The following PLA2G4A variants were observed in gnomAD, a reference collection of about 807,000 sequenced individuals.
PLA2G4A encodes cytosolic phospholipase A2.
Under a neutral mutation model 81.9 loss-of-function variants are expected in PLA2G4A, and 40 were observed. The observed-to-expected ratio is 0.49, with a 90% CI of 0.38 to 0.64. PLA2G4A has a LOEUF of 0.64. Among genes scored for constraint, PLA2G4A ranks in the 30% least tolerant of loss-of-function variants. The pLI, the probability that PLA2G4A is intolerant of heterozygous loss-of-function variation, is 0.00. For missense variants in PLA2G4A, 715 were observed against 905.1 expected, an observed-to-expected ratio of 0.79 and a Z score of 2.69; for synonymous variants, 302 against 296.9, an observed-to-expected ratio of 1.02 and a Z score of -0.18.
chr1:186,956,105 C>T lies in PLA2G4A; in HGVS notation c.1340C>T (p.Thr447Ile). 1 of 1,612,894 alleles carries T rather than the reference C, an allele frequency of 6.2e-7. No homozygotes were observed. Among genetic ancestry groups the T allele is most frequent in the Non-Finnish European group, 8.5e-7 (1 of 1,179,026 alleles). ...SDDESHEPKGTENEDAGSDYQ... is the reference protein window; with the variant it reads ...SDDESHEPKGIENEDAGSDYQ... ...GTGACCTTTTATTTTTCCCTAGGCA[C>T]TGAAAATGAAGATGCTGGAAGTGAC... Residue 447 changes from threonine (T) to isoleucine (I), a missense_variant, in exon 14 of 18, where the codon ACT (threonine) becomes ATT (isoleucine). By Grantham distance (89) the Thr-to-Ile change is moderately conservative. Coordinates refer to ENST00000367466, the MANE Select transcript of PLA2G4A (RefSeq NM_024420.3).
chr1:186,980,976 G>A (rs1399452659), intron 17 of PLA2G4A, among the ~76,000 whole-genome samples: 1 of 152,060 alleles, frequency 6.6e-6, no homozygotes, highest in Non-Finnish European at 1.5e-5. Context: ...AAATCCACGT[G>A]ATACATTATC....
intron 3 of PLA2G4A, among the ~76,000 whole-genome samples, chr1:186,882,493 T>C (rs1653773441): frequency 1.3e-5 from 2 of 152,128 alleles, no homozygotes; most frequent in African/African-American, 4.8e-5. Context: ...GCCATCAATA[T>C]GCCTGTGTGG....
chr1:186,872,540 C>T (rs1276795272), intron 3 of PLA2G4A, among the ~76,000 whole-genome samples: 2 of 151,698 alleles, frequency 1.3e-5, no homozygotes, highest in Admixed American at 6.6e-5. Context: ...ATCAATGAAG[C>T]GTTCTGTTGT....
intron 7 of PLA2G4A, among the ~76,000 whole-genome samples, chr1:186,918,493 T>C (rs1042763979): frequency 1.3e-5 from 2 of 152,202 alleles, no homozygotes; most frequent in Admixed American, 1.3e-4. Flanking sequence ...CTCAGCCTTC[T>C]GGGCTGAAGT....
At chr1:186,960,658 A>G (rs913477422) in intron 14 of PLA2G4A, among the ~76,000 whole-genome samples, 2 of 152,186 alleles carry the variant, frequency 1.3e-5, no homozygotes, top group Non-Finnish European at 2.9e-5. Flanking sequence ...TAGTACTTTA[A>G]AAGGAGACTA....
intron 15 of PLA2G4A, among the ~76,000 whole-genome samples, chr1:186,973,268 G>A (rs1431546817): frequency 6.6e-6 from 1 of 152,140 alleles, no homozygotes; most frequent in Non-Finnish European, 1.5e-5. Flanking sequence ...AGCTTTTGGT[G>A]GTTCCAGGCA....
Position 186,949,297 on chromosome 1 carries a change from AAAAG to A in PLA2G4A, c.1265-1350_1265-1347del, listed in dbSNP as rs375967004. Reference sequence around the variant, plus strand: ...AAGAAAGAAAGAAGAAAAAGAAGGAAAAAGAAAGAAAGAGAAAGAAGGAAGGAAG... The same window carrying A: ...AAGAAAGAAAGAAGAAAAAGAAGGAAAAAGAAAGAGAAAGAAGGAAGGAAG... On this transcript the variant is annotated intron_variant, in intron 12 of 17. Coordinates refer to ENST00000367466, the MANE Select transcript of PLA2G4A (RefSeq NM_024420.3). Among the ~76,000 whole-genome samples the A allele has an allele frequency of 7.5e-4, 114 of 151,144 alleles. 1 individual carries two copies. The highest frequency in any genetic ancestry group is 1.2e-3 in the Non-Finnish European group (82 of 67,738).
At chr1:186,938,362 C>T (rs956942105) in intron 8 of PLA2G4A, among the ~76,000 whole-genome samples, 2 of 151,978 alleles carry the variant, frequency 1.3e-5, no homozygotes, top group Non-Finnish European at 2.9e-5. Context: ...CAGAAGTGGC[C>T]AAATGGCTGG....
chr1:186,841,665 G>A (rs1651985386), intron 1 of PLA2G4A, among the ~76,000 whole-genome samples: 1 of 152,032 alleles, frequency 6.6e-6, no homozygotes, highest in African/African-American at 2.4e-5. Flanking sequence ...GGCCAGAATG[G>A]CCACTTGTTT....
intron 7 of PLA2G4A, among the ~76,000 whole-genome samples, chr1:186,929,135 C>T (rs909283783): frequency 2.6e-5 from 4 of 152,150 alleles, no homozygotes; most frequent in Admixed American, 6.5e-5. Flanking sequence ...GGTTTCTCTC[C>T]GTAAAGGTTA....
At chr1:186,958,364 CTTG>C (rs1373211991) in intron 14 of PLA2G4A, among the ~76,000 whole-genome samples, 1 of 152,044 alleles carries the variant, frequency 6.6e-6, no homozygotes, top group Non-Finnish European at 1.5e-5. Context: ...CATTATTTTT[CTTG>C]TTTAGTCACA....
chr1:186,870,503 C>T lies in PLA2G4A; in HGVS notation c.102C>T (p.Ala34=). Residue 34 remains alanine (A), a synonymous_variant, in exon 3 of 18, where the codon GCC becomes GCT. Transcript: ENST00000367466. ...VLRATKVTKG[A]FGDMLDTPDP... ...GTGCCACCAAAGTGACAAAGGGGGCCTTTGGTGACATGCGTAAGTGCCCTT... is the reference window on the plus strand; with the variant it reads ...GTGCCACCAAAGTGACAAAGGGGGCTTTTGGTGACATGCGTAAGTGCCCTT... 1 of 1,609,564 alleles carries T rather than the reference C, an allele frequency of 6.2e-7. No homozygotes were observed. Among genetic ancestry groups the T allele is most frequent in the Non-Finnish European group, 8.5e-7 (1 of 1,175,986 alleles).
chr1:186,887,744 T>C (rs1180404314), intron 3 of PLA2G4A, among the ~76,000 whole-genome samples: 1 of 152,182 alleles, frequency 6.6e-6, no homozygotes, highest in African/African-American at 2.4e-5. Flanking sequence ...TTTTCTTTAA[T>C]TCATTCCTTG....
At chr1:186,960,106 T>C (rs1456253842) in intron 14 of PLA2G4A, among the ~76,000 whole-genome samples, 3 of 152,102 alleles carry the variant, frequency 2.0e-5, no homozygotes, top group Non-Finnish European at 2.9e-5. Flanking sequence ...GAAATTATAA[T>C]AGGATAAAAT....
intron 3 of PLA2G4A, among the ~76,000 whole-genome samples, chr1:186,887,839 GC>G (rs1384458544): frequency 6.6e-6 from 1 of 152,132 alleles, no homozygotes; most frequent in East Asian, 1.9e-4. Context: ...TTGCTACCAT[GC>G]CAGTGATGGT....
chr1:186,979,382 AC>A lies in PLA2G4A; in HGVS notation c.2030del (p.Pro677HisfsTer26). The A allele has an allele frequency of 6.2e-7, 1 of 1,604,858 alleles. No homozygotes were observed. Among genetic ancestry groups the A allele is most frequent in the East Asian group, 2.2e-5 (1 of 44,836 alleles). On this transcript the variant is annotated frameshift_variant, in exon 17 of 18. Coordinates refer to ENST00000367466, the MANE Select transcript of PLA2G4A (RefSeq NM_024420.3). LOFTEE classifies it high-confidence loss of function. Reference sequence around the variant, plus strand: ...TTGATATTTTTGATGACCCAGAATCACCATTTTCAACCTTCAATTTTCAATA... The same window carrying A: ...TTGATATTTTTGATGACCCAGAATCACATTTTCAACCTTCAATTTTCAATA... The part of the protein sequence containing the change: ...DFDIFDDPES[P>X]FSTFNFQYPN...
chr1:186,959,108 T>A (rs959704861), intron 14 of PLA2G4A, among the ~76,000 whole-genome samples: 2 of 152,124 alleles, frequency 1.3e-5, no homozygotes, highest in Non-Finnish European at 2.9e-5. Context: ...CTTTCTGTCT[T>A]TTGTTCATTC....
intron 1 of PLA2G4A, among the ~76,000 whole-genome samples, chr1:186,833,469 A>C (rs966564271): frequency 1.3e-5 from 2 of 152,166 alleles, no homozygotes; most frequent in African/African-American, 4.8e-5. Context: ...AATGAATTTC[A>C]GTTCTGGCCA....
At chr1:186,932,938 A>G (rs773037428) in intron 8 of PLA2G4A, 39 bp downstream of exon 8, 9 of 1,438,840 alleles carry the variant, frequency 6.3e-6, no homozygotes, top group Non-Finnish European at 7.8e-6. Context: ...ATAACTTTAA[A>G]TATTTAGGAT....
Sources: gnomAD v4.1 joint callset for allele counts (sites outside exome capture counted in the v4.1 genomes callset) on GRCh38, gnomAD v4.1.1 for gene constraint, MANE v1.5 for transcripts, NCBI Gene and HGNC (gene_info 2026-07-23, HGNC 2026-07-21) for gene names.